The following SERAC1 variants were observed in gnomAD, a reference collection of about 807,000 sequenced individuals.
SERAC1 encodes protein SERAC1.
In SERAC1, 36 loss-of-function variants were observed where a neutral mutation model predicts 85.7. That is an observed-to-expected ratio of 0.42 (90% CI 0.32 to 0.55). The LOEUF is 0.55. Ranked by LOEUF, SERAC1 falls within the 20% of genes least tolerant of loss-of-function variation. SERAC1 has a pLI of 0.11. For missense variants in SERAC1, 629 were observed against 796.2 expected, an observed-to-expected ratio of 0.79 and a Z score of 2.53; for synonymous variants, 242 against 265.3, an observed-to-expected ratio of 0.91 and a Z score of 0.85.
intron 5 of SERAC1, among the ~76,000 whole-genome samples, chr6:158,147,961 A>G (rs1043013669): frequency 1.3e-5 from 2 of 152,132 alleles, no homozygotes; most frequent in African/African-American, 4.8e-5. Flanking sequence ...TCTCCTAAGA[A>G]CAATCCTGCA....
chr6:158,126,308 G>A (rs1716273156), intron 10 of SERAC1, among the ~76,000 whole-genome samples: 1 of 152,080 alleles, frequency 6.6e-6, no homozygotes, highest in African/African-American at 2.4e-5. Context: ...GTTATACCAG[G>A]AAATAAGAAA....
In SERAC1 at chr6:158,117,901, C is replaced by A; in HGVS notation, c.1309-80G>T. The stretch of plus-strand genomic sequence containing the variant: ...ACTGCCTAGTAAATCAAATTTATAA[C>A]TAAAGGCCTCTTGCACTATAATTAA... On this transcript the variant is annotated intron_variant, in intron 12 of 16. Transcript: ENST00000647468. The surrounding 1 kb of genome is among the most constrained non-coding windows in gnomAD (Gnocchi z 4.3). The A allele has an allele frequency of 9.5e-7, 1 of 1,057,692 alleles. No individual in the cohort carries two copies. Among genetic ancestry groups the A allele is most frequent in the South Asian group, 1.4e-5 (1 of 72,228 alleles). The allele number at this position is 1,057,692 out of a possible 1,614,324, so 65.5% of individuals were successfully genotyped here. A position where few individuals can be genotyped will look rare whatever the true frequency, so the allele number is the denominator to read the frequency against.
intron 8 of SERAC1, among the ~76,000 whole-genome samples, chr6:158,131,399 AAT>A (rs1322373142): frequency 2.7e-5 from 4 of 147,036 alleles, no homozygotes; most frequent in Admixed American, 6.8e-5. Flanking sequence ...TAAATTATAT[AAT>A]ATATTTATAT....
intron 7 of SERAC1, among the ~76,000 whole-genome samples, chr6:158,143,474 T>C (rs1466806101): frequency 6.6e-6 from 1 of 151,808 alleles, no homozygotes; most frequent in Non-Finnish European, 1.5e-5. Context: ...CCCAGGTAAA[T>C]AAACAATCAT....
chr6:158,146,968 CT>C, intron 5 of SERAC1, 55 bp from the exon 6 acceptor site: 1 of 1,570,718 alleles, frequency 6.4e-7, no homozygotes, highest in Non-Finnish European at 8.7e-7. Context: ...ATACTTTTAT[CT>C]TCACTTTAAG....
chr6:158,128,970 T>A (rs999526950), intron 9 of SERAC1, among the ~76,000 whole-genome samples: 1 of 152,190 alleles, frequency 6.6e-6, no homozygotes, highest in African/African-American at 2.4e-5. Context: ...ATCACTAGTT[T>A]TACTCAAGGA....
chr6:158,112,964 TCA>T (rs1377236161), intron 16 of SERAC1: 1 of 157,440 alleles, frequency 6.4e-6, no homozygotes, highest in Non-Finnish European at 1.4e-5. Flanking sequence ...GCCATTTCCC[TCA>T]ACCCCAGGAT....
chr6:158,148,786 GAA>G, intron 5 of SERAC1, 77 bp downstream of exon 5: 1 of 1,034,588 alleles, frequency 9.7e-7, no homozygotes, highest in South Asian at 1.6e-5. Flanking sequence ...TATAAGAAAT[GAA>G]AAAAAGTATC....
At chr6:158,152,271 T>C (rs1280819356) in intron 3 of SERAC1, among the ~76,000 whole-genome samples, 1 of 152,016 alleles carries the variant, frequency 6.6e-6, no homozygotes, top group Non-Finnish European at 1.5e-5. Flanking sequence ...ATCTCAACAC[T>C]CTGGGAGGCC....
chr6:158,152,312 T>C (rs1259818310), intron 3 of SERAC1, among the ~76,000 whole-genome samples: 2 of 152,126 alleles, frequency 1.3e-5, no homozygotes, highest in African/African-American at 4.8e-5. Flanking sequence ...GGTCAGGAAT[T>C]CAAGACCGGC....
In SERAC1 at chr6:158,114,130, A is replaced by AATT. The variant is rs1294645220; in HGVS notation, c.1685-541_1685-539dup. 7.2e-5 allele frequency among the ~76,000 whole-genome samples: 11 copies of AATT among 152,298 alleles called. No homozygotes were observed. In the South Asian group the frequency reaches 1.2e-3, roughly 17 times the overall value. On this transcript the variant is annotated intron_variant, in intron 15 of 16. Coordinates refer to ENST00000647468, the MANE Select transcript of SERAC1 (RefSeq NM_032861.4). ...CAAACCTTCTACTTAGGATCTTTAG[A>AATT]ATTATTTGAAAAGATAAAGGAGCCA... is the stretch of plus-strand genomic sequence containing the variant.
At chr6:158,149,943 G>A (rs6928254) in intron 4 of SERAC1, among the ~76,000 whole-genome samples, 5,294 of 152,208 alleles carry the variant, frequency 0.035, 292 homozygotes, top group African/African-American at 0.12. Flanking sequence ...CCATATGATC[G>A]CTAATGAGGG....
intron 2 of SERAC1, among the ~76,000 whole-genome samples, chr6:158,156,076 G>A (rs1365503450): frequency 6.6e-6 from 1 of 152,204 alleles, no homozygotes; most frequent in African/African-American, 2.4e-5. Context: ...TTGAACCACG[G>A]AGGCAGAGGT....
chr6:158,124,748 A>AACACAC (rs201023302), intron 10 of SERAC1, among the ~76,000 whole-genome samples: 127 of 131,474 alleles, frequency 9.7e-4, no homozygotes, highest in African/African-American at 2.7e-3. Flanking sequence ...AATGCTGGAA[A>AACACAC]ACACACACAC....
At chr6:158,154,960 C>T (rs927548302) in intron 3 of SERAC1, among the ~76,000 whole-genome samples, 6 of 151,932 alleles carry the variant, frequency 3.9e-5, no homozygotes, top group South Asian at 2.1e-4. Context: ...TTAAGTGCGC[C>T]GGAGCTGAGT....
At chr6:158,122,370 A>C (rs1784442741) in intron 10 of SERAC1, among the ~76,000 whole-genome samples, 1 of 152,258 alleles carries the variant, frequency 6.6e-6, no homozygotes, top group Admixed American at 6.5e-5. Flanking sequence ...TCTAATGATG[A>C]AAGTCTTGCT....
chr6:158,158,369 G>C lies in SERAC1; in HGVS notation c.-1-5C>G. ...CAATAAGCAGCCAGGGACATTCTGT[G>C]TAAGTAGAACAATTACAACAAATTT... On this transcript the variant is annotated splice_region_variant and splice_polypyrimidine_tract_variant and intron_variant, in intron 1 of 16. Coordinates refer to ENST00000647468, the MANE Select transcript of SERAC1 (RefSeq NM_032861.4). 2 of 1,603,726 alleles carry C rather than the reference G, an allele frequency of 1.2e-6. No individual in the cohort carries two copies. Among genetic ancestry groups the C allele is most frequent in the Non-Finnish European group, 1.7e-6 (2 of 1,171,362 alleles).
chr6:158,167,223 TAAAAAA>T (rs34350104), intron 1 of SERAC1, among the ~76,000 whole-genome samples: 296 of 101,834 alleles, frequency 2.9e-3, no homozygotes, highest in African/African-American at 0.011. Flanking sequence ...CACACGATGT[TAAAAAA>T]AAAAAAAAAA....
At chr6:158,113,306 G>A in intron 16 of SERAC1, 143 bp downstream of exon 16, 1 of 663,742 alleles carries the variant, frequency 1.5e-6, no homozygotes, top group Non-Finnish European at 2.5e-6. Context: ...ATCTATTGCT[G>A]AAAAGAATAA....
Sources: allele counts gnomAD v4.1 joint callset (sites outside exome capture counted in the v4.1 genomes callset), GRCh38; gene constraint gnomAD v4.1.1; non-coding constraint Gnocchi (gnomAD v3.1); transcripts MANE v1.5; gene names NCBI Gene and HGNC (gene_info 2026-07-23, HGNC 2026-07-21).